TEAD2: variants seen among roughly 807,000 people sequenced by gnomAD.
TEAD2 encodes TEA domain transcription factor 2.
A neutral mutation model predicts 61.4 loss-of-function variants in TEAD2; 51 were observed. The ratio of observed to expected loss-of-function variants is 0.83; its 90% confidence interval spans 0.66 to 1.05. The LOEUF (loss-of-function observed/expected upper bound fraction) is 1.05. Ranked by LOEUF, TEAD2 falls within the 50% of genes least tolerant of loss-of-function variation. TEAD2 has a pLI of 0.00. For synonymous variants in TEAD2, 244 were observed against 243.2 expected (o/e 1.00, Z -0.03); for missense variants, 509 against 600.0 (o/e 0.85, Z 1.58).
chr19:49,352,355 G>C (rs1017476432), intron 7 of TEAD2, among the ~76,000 whole-genome samples: 1 of 152,202 alleles, frequency 6.6e-6, no homozygotes, highest in Non-Finnish European at 1.5e-5. Flanking sequence ...CATGAGGCTA[G>C]TGGCTACAGT....
intron 7 of TEAD2, among the ~76,000 whole-genome samples, chr19:49,353,987 A>G (rs1972204441): frequency 6.8e-6 from 1 of 146,326 alleles, no homozygotes; most frequent in African/African-American, 2.5e-5. Flanking sequence ...TTTAGTAGAG[A>G]CGGGGTTTCA....
intron 9 of TEAD2, among the ~76,000 whole-genome samples, chr19:49,348,323 C>G (rs1971780127): frequency 6.6e-6 from 1 of 152,214 alleles, no homozygotes; most frequent in African/African-American, 2.4e-5. Context: ...AAAATCTTTT[C>G]CAAGTTCCTA....
chr19:49,359,939 C>T lies in TEAD2; in HGVS notation c.137G>A (p.Ser46Asn), dbSNP rs766550565. The T allele has an allele frequency of 5.6e-6, 9 of 1,612,304 alleles. No individual in the cohort carries two copies. The highest frequency in any genetic ancestry group is 5.9e-6 in the Non-Finnish European group (7 of 1,180,026). The part of the protein sequence containing the change: ...DGGPDAEGVW[S>N]PDIEQSFQEA... Reference sequence around the variant, plus strand: ...CTGGAAGCTCTGCTCAATGTCTGGGCTCCACACCCCCTCTGCATCCGGGCC... The same window carrying T: ...CTGGAAGCTCTGCTCAATGTCTGGGTTCCACACCCCCTCTGCATCCGGGCC... The change falls in exon 2 of 13, where the codon AGC (serine) becomes AAC (asparagine). Residue 46 changes from serine (S) to asparagine (N), a missense_variant. Ser to Asn is a conservative substitution (Grantham distance 46). Transcript: ENST00000593945. This position sits in a 1 kb window ranked among gnomAD's most constrained non-coding sequence, Gnocchi z 4.1.
At chr19:49,357,205 AC>A (rs1972464222) in intron 4 of TEAD2, 46 bp downstream of exon 4, 4 of 529,810 alleles carry the variant, frequency 7.5e-6, no homozygotes, top group East Asian at 5.6e-5. Context: ...TCGGTCCCCC[AC>A]CCCCAGTCTC....
Position 49,359,329 on chromosome 19 carries a change from A to C in TEAD2, c.297+106T>G, listed in dbSNP as rs1972641320. The C allele has an allele frequency of 2.1e-6, 2 of 939,750 alleles. No individual in the cohort carries two copies. Among genetic ancestry groups the C allele is most frequent in the South Asian group, 2.7e-5 (2 of 73,122 alleles). The allele number at this position is 939,750 out of a possible 1,614,324, so 58.2% of individuals were successfully genotyped here. A position where few individuals can be genotyped will look rare whatever the true frequency, so the allele number is the denominator to read the frequency against. On this transcript the variant is annotated intron_variant, in intron 3 of 12. Transcript: ENST00000593945. This position sits in a 1 kb window ranked among gnomAD's most constrained non-coding sequence, Gnocchi z 4.1. ...ACACACATGCCGAGAAGACAGATGA[A>C]CGCACAGGAAGCAGCTTCTTCCTTG...
Position 49,359,645 on chromosome 19 carries a change from G to T in TEAD2, c.233-146C>A. On this transcript the variant is annotated intron_variant, in intron 2 of 12. Coordinates refer to ENST00000593945, the MANE Select transcript of TEAD2 (RefSeq NM_001256660.2). This position sits in a 1 kb window ranked among gnomAD's most constrained non-coding sequence, Gnocchi z 4.1. The stretch of plus-strand genomic sequence containing the variant: ...GGTCCCCTCAGCTACGTGGAAGCCA[G>T]ACTGCTTGGGTTCAAATCCCAGCTC... The T allele has an allele frequency of 9.2e-7, 1 of 1,091,394 alleles. No individual in the cohort carries two copies. The highest frequency in any genetic ancestry group is 1.4e-6 in the Non-Finnish European group (1 of 734,986). The allele number at this position is 1,091,394 out of a possible 1,614,324, so 67.6% of individuals were successfully genotyped here.
At chr19:49,342,119 G>C (rs1279082325) in intron 12 of TEAD2, among the ~76,000 whole-genome samples, 3 of 152,068 alleles carry the variant, frequency 2.0e-5, no homozygotes, top group African/African-American at 7.2e-5. Context: ...TTGAACCCGG[G>C]AGGCAGAGGT....
chr19:49,359,750 T>C lies in TEAD2; in HGVS notation c.232+94A>G, dbSNP rs1972690984. The C allele has an allele frequency of 1.5e-5, 20 of 1,309,424 alleles. 1 individual carries two copies. The South Asian group carries it at 2.5e-4, about 16-fold the overall frequency. The allele number at this position is 1,309,424 out of a possible 1,614,324, so 81.1% of individuals were successfully genotyped here. ...TCAGTTTCCTCATCTGTGCAAATGG[T>C]GATGCTAGCTCCTACTTCAGAGTGC... On this transcript the variant is annotated intron_variant, in intron 2 of 12. Coordinates refer to ENST00000593945, the MANE Select transcript of TEAD2 (RefSeq NM_001256660.2). This position sits in a 1 kb window ranked among gnomAD's most constrained non-coding sequence, Gnocchi z 4.1.
At chr19:49,362,057 A>C (rs116040813) in intron 1 of TEAD2, among the ~76,000 whole-genome samples, 5,241 of 152,124 alleles carry the variant, frequency 0.034, 283 homozygotes, top group African/African-American at 0.12. Context: ...AGATTACACA[A>C]GGGGTCCTTC....
At position 49,359,384 on chromosome 19, in the gene TEAD2, C is replaced by T. The variant is rs757494026; in HGVS notation, c.297+51G>A. Reference sequence around the variant, plus strand: ...TGAACCTGCCCATGCGAGGATGACCCTAAGAAGACCGGCCCATCCCAGACA... The same window carrying T: ...TGAACCTGCCCATGCGAGGATGACCTTAAGAAGACCGGCCCATCCCAGACA... On this transcript the variant is annotated intron_variant, in intron 3 of 12. Coordinates refer to ENST00000593945, the MANE Select transcript of TEAD2 (RefSeq NM_001256660.2). This position sits in a 1 kb window ranked among gnomAD's most constrained non-coding sequence, Gnocchi z 4.1. 2 of 1,589,650 alleles carry T rather than the reference C, an allele frequency of 1.3e-6. No individual in the cohort carries two copies. Among genetic ancestry groups the T allele is most frequent in the African/African-American group, 1.3e-5 (1 of 74,484 alleles).
At position 49,343,306 on chromosome 19, in the gene TEAD2, C is replaced by G. The variant is rs749255349; in HGVS notation, c.1014G>C (p.Glu338Asp). The change falls in exon 11 of 13, where the codon GAG becomes GAC. Residue 338 changes from glutamate (E) to aspartate (D), a missense_variant. By Grantham distance (45) the Glu-to-Asp change is conservative. Transcript: ENST00000593945. Reference protein sequence around the residue: ...GGFYGVSSQYESLEHMTLTCS... With the variant: ...GGFYGVSSQYDSLEHMTLTCS... ...AGGTGAGGGTCATGTGTTCCAGGCT[C>G]TCATACTGGCTGCTCACTCCGTAGA... 9 of 1,613,952 alleles carry G rather than the reference C, an allele frequency of 5.6e-6. No homozygotes were observed. Among genetic ancestry groups the G allele is most frequent in the Non-Finnish European group, 8.5e-7 (1 of 1,180,032 alleles).
intron 7 of TEAD2, among the ~76,000 whole-genome samples, 175 bp downstream of exon 7, chr19:49,354,973 G>A (rs890491844): frequency 2.0e-5 from 3 of 152,180 alleles, no homozygotes; most frequent in African/African-American, 4.8e-5. Flanking sequence ...ACTCCATCCA[G>A]CCTGGGCAAC....
intron 10 of TEAD2, among the ~76,000 whole-genome samples, 198 bp downstream of exon 10, chr19:49,346,992 C>A (rs1237609913): frequency 6.6e-6 from 1 of 152,198 alleles, no homozygotes; most frequent in African/African-American, 2.4e-5. Context: ...GAGGCCCAGA[C>A]ACCTCCAACC....
At chr19:49,345,087 G>C (rs191968871) in intron 10 of TEAD2, among the ~76,000 whole-genome samples, 4 of 152,086 alleles carry the variant, frequency 2.6e-5, no homozygotes, top group South Asian at 2.1e-4. Context: ...GCTTCCTAAG[G>C]GGGTGGCTCT....
chr19:49,352,319 T>G (rs1218315432), intron 7 of TEAD2, among the ~76,000 whole-genome samples: 3 of 152,184 alleles, frequency 2.0e-5, no homozygotes, highest in Admixed American at 1.3e-4. Context: ...ATCTTTAATT[T>G]TATTTAATTT....
At chr19:49,357,489 G>A (rs985613831) in intron 3 of TEAD2, 175 bp from the exon 4 acceptor site, 8 of 689,542 alleles carry the variant, frequency 1.2e-5, no homozygotes, top group South Asian at 3.4e-5. Flanking sequence ...AAAGGAGCTC[G>A]TGAACACCAC....
chr19:49,355,601 C>T (rs565544507), intron 5 of TEAD2, among the ~76,000 whole-genome samples, 182 bp from the exon 6 acceptor site: 14 of 152,172 alleles, frequency 9.2e-5, no homozygotes, highest in Admixed American at 7.9e-4. Context: ...CGGAGGCGGG[C>T]AGATCACTTG....
chr19:49,343,456 A>C, intron 10 of TEAD2, 58 bp from the exon 11 acceptor site: 1 of 1,527,250 alleles, frequency 6.5e-7, no homozygotes, highest in Non-Finnish European at 8.7e-7. Context: ...AACAGTGGGG[A>C]CTACCAGGCG....
Position 49,359,744 on chromosome 19 carries a change from A to AG in TEAD2, c.232+99_232+100insC, listed in dbSNP as rs1972689706. 22 of 1,284,820 alleles carry AG rather than the reference A, an allele frequency of 1.7e-5. No individual in the cohort carries two copies. The highest frequency in any genetic ancestry group is 2.1e-5 in the Non-Finnish European group (19 of 908,364). The allele number at this position is 1,284,820 out of a possible 1,614,324, so 79.6% of individuals were successfully genotyped here. A position where few individuals can be genotyped will look rare whatever the true frequency, so the allele number is the denominator to read the frequency against. ...TGTGCCTCAGTTTCCTCATCTGTGCAAATGGTGATGCTAGCTCCTACTTCA... is the reference window on the plus strand; with the variant it reads ...TGTGCCTCAGTTTCCTCATCTGTGCAGAATGGTGATGCTAGCTCCTACTTCA... On this transcript the variant is annotated intron_variant, in intron 2 of 12. Transcript: ENST00000593945. The surrounding 1 kb of genome is among the most constrained non-coding windows in gnomAD (Gnocchi z 4.1).
Sources: gnomAD v4.1 joint callset for allele counts (sites outside exome capture counted in the v4.1 genomes callset) on GRCh38, gnomAD v4.1.1 for gene constraint, Gnocchi (gnomAD v3.1) non-coding constraint, MANE v1.5 for transcripts, NCBI Gene and HGNC (gene_info 2026-07-23, HGNC 2026-07-21) for gene names.